Variants in B4GALT6 observed in about 807,000 individuals in gnomAD.
B4GALT6 encodes the protein beta-1,4-galactosyltransferase 6.
B4GALT6 carries 14 observed loss-of-function variants against 46.3 expected under a neutral mutation model. That is an observed-to-expected ratio of 0.30 (90% confidence interval 0.20 to 0.47). B4GALT6 has a LOEUF of 0.47. B4GALT6 is among the 20% of genes least tolerant of loss of function. B4GALT6 has a pLI of 0.99. For synonymous variants in B4GALT6, 168 were observed against 162.0 expected, an observed-to-expected ratio of 1.04 and a Z score of -0.28; for missense variants, 386 against 480.1, an observed-to-expected ratio of 0.80 and a Z score of 1.83.
chr18:31,674,321 G>A (rs2074391720), intron 1 of B4GALT6, among the ~76,000 whole-genome samples: 1 of 152,192 alleles, frequency 6.6e-6, no homozygotes, highest in Non-Finnish European at 1.5e-5. Context: ...CAAGGCCACA[G>A]AGGAGAGGGA....
At chr18:31,719,729 G>A in the B4GALT6 span, among the ~76,000 whole-genome samples, 9 of 152,254 alleles carry the variant, frequency 5.9e-5, no homozygotes, top group Non-Finnish European at 7.4e-5. Flanking sequence ...GGGGAGTGCC[G>A]TTTGATCAGG....
At chr18:31,705,582 C>T in the B4GALT6 span, among the ~76,000 whole-genome samples, 4 of 152,224 alleles carry the variant, frequency 2.6e-5, no homozygotes, top group East Asian at 5.8e-4. Flanking sequence ...AGAGTCAGGG[C>T]TTCGCCACAT....
the B4GALT6 span, among the ~76,000 whole-genome samples, chr18:31,713,428 T>C: frequency 6.6e-6 from 1 of 152,224 alleles, no homozygotes; most frequent in Non-Finnish European, 1.5e-5. Context: ...ACACCTCATT[T>C]CATTAGGGCT....
At chr18:31,702,618 C>T in the B4GALT6 span, among the ~76,000 whole-genome samples, 3 of 151,792 alleles carry the variant, frequency 2.0e-5, no homozygotes, top group Non-Finnish European at 4.4e-5. Flanking sequence ...GGGTGGGGTG[C>T]GGAGAAACCT....
At chr18:31,693,480 A>G in the B4GALT6 span, among the ~76,000 whole-genome samples, 4 of 152,230 alleles carry the variant, frequency 2.6e-5, no homozygotes, top group Admixed American at 2.6e-4. Flanking sequence ...ACCTAATTAT[A>G]TTACAAAATT....
intron 1 of B4GALT6, among the ~76,000 whole-genome samples, chr18:31,676,036 T>C (rs2074410381): frequency 6.6e-6 from 1 of 152,172 alleles, no homozygotes; most frequent in African/African-American, 2.4e-5. Context: ...TTCCAAAGCA[T>C]ATTTTCAAAT....
At chr18:31,659,115 C>T (rs2144652869) in intron 2 of B4GALT6, among the ~76,000 whole-genome samples, 1 of 152,308 alleles carries the variant, frequency 6.6e-6, no homozygotes, top group Admixed American at 6.5e-5. Context: ...AAACTACCGT[C>T]TGTCTCCTGG....
chr18:31,695,085 G>T, the B4GALT6 span, among the ~76,000 whole-genome samples: 1 of 152,132 alleles, frequency 6.6e-6, no homozygotes, highest in East Asian at 1.9e-4. Flanking sequence ...ATGCCATGAA[G>T]TACAAATCAT....
chr18:31,663,419 C>T (rs1360576997), intron 2 of B4GALT6, among the ~76,000 whole-genome samples: 1 of 152,170 alleles, frequency 6.6e-6, no homozygotes, highest in African/African-American at 2.4e-5. Flanking sequence ...GATGAATTCA[C>T]TGAATACGTC....
At chr18:31,640,375 A>T (rs1303186792) in intron 4 of B4GALT6, among the ~76,000 whole-genome samples, 1 of 152,238 alleles carries the variant, frequency 6.6e-6, no homozygotes, top group Non-Finnish European at 1.5e-5. Context: ...ATTTTACGTT[A>T]CCAGGATCAT....
At chr18:31,700,155 A>G in the B4GALT6 span, among the ~76,000 whole-genome samples, 19 of 152,308 alleles carry the variant, frequency 1.2e-4, no homozygotes, top group East Asian at 3.7e-3. Context: ...CCTTTACTGT[A>G]TGTATATTAT....
At chr18:31,708,425 T>G in the B4GALT6 span, among the ~76,000 whole-genome samples, 4 of 151,968 alleles carry the variant, frequency 2.6e-5, no homozygotes, top group African/African-American at 7.2e-5. Context: ...ATTGGCCAGG[T>G]GTGGTGGCGG....
At chr18:31,642,215 T>C (rs2073938643) in intron 4 of B4GALT6, among the ~76,000 whole-genome samples, 1 of 152,182 alleles carries the variant, frequency 6.6e-6, no homozygotes. Context: ...TCTCATTCTA[T>C]AGCCCAGGCT....
intron 4 of B4GALT6, 148 bp from the exon 5 acceptor site, chr18:31,638,908 C>T (rs1010433774): frequency 2.7e-5 from 18 of 657,096 alleles, no homozygotes; most frequent in East Asian, 1.6e-4. Flanking sequence ...CAAGCAAACA[C>T]GCAAAAAGCC....
chr18:31,659,098 G>A (rs1279844319), intron 2 of B4GALT6, among the ~76,000 whole-genome samples: 1 of 152,184 alleles, frequency 6.6e-6, no homozygotes, highest in Non-Finnish European at 1.5e-5. Context: ...GACGGAAACA[G>A]CTCATTAAAC....
intron 3 of B4GALT6, among the ~76,000 whole-genome samples, chr18:31,651,587 C>T (rs1189740102): frequency 6.6e-6 from 1 of 152,118 alleles, no homozygotes; most frequent in East Asian, 1.9e-4. Context: ...ACACAGCAGG[C>T]ACGAGCACCC....
intron 1 of B4GALT6, among the ~76,000 whole-genome samples, chr18:31,669,001 G>A (rs537482319): frequency 6.7e-6 from 1 of 150,278 alleles, no homozygotes; most frequent in Non-Finnish European, 1.5e-5. Flanking sequence ...GGGTGACAGA[G>A]TGAGACCCTG....
At chr18:31,638,957 T>C (rs946850333) in intron 4 of B4GALT6, among the ~76,000 whole-genome samples, 197 bp from the exon 5 acceptor site, 2 of 152,150 alleles carry the variant, frequency 1.3e-5, no homozygotes, top group South Asian at 4.1e-4. Flanking sequence ...AGCTGAGAGG[T>C]AGAAGGGGCT....
intron 1 of B4GALT6, among the ~76,000 whole-genome samples, chr18:31,672,412 G>A (rs1303320040): frequency 6.6e-6 from 1 of 152,172 alleles, no homozygotes; most frequent in Non-Finnish European, 1.5e-5. Context: ...TAAATTCCCA[G>A]AGGAAAAATT....
Sources: gnomAD v4.1 joint callset for allele counts (sites outside exome capture counted in the v4.1 genomes callset) on GRCh38, gnomAD v4.1.1 for gene constraint, MANE v1.5 for transcripts, NCBI Gene and HGNC (gene_info 2026-07-23, HGNC 2026-07-21) for gene names.